SHOX: variants seen among roughly 807,000 people sequenced by gnomAD.
SHOX encodes short stature homeobox protein.
Under a neutral mutation model 29.6 loss-of-function variants are expected in SHOX, and 12 were observed. The observed-to-expected ratio is 0.41, with a 90% confidence interval of 0.26 to 0.66. SHOX has a LOEUF of 0.66. Among genes scored for constraint, SHOX ranks in the 30% least tolerant of loss-of-function variants. The pLI is 0.35. For missense variants in SHOX, 499 were observed against 437.7 expected, an observed-to-expected ratio of 1.14 and a Z score of -1.25; for synonymous variants, 214 against 200.6, an observed-to-expected ratio of 1.07 and a Z score of -0.57.
At chrX:627,542 G>T (rs191058119), upstream of SHOX, among the ~76,000 whole-genome samples, 1 of 152,180 alleles carries the variant, frequency 6.6e-6, no homozygotes, top group Non-Finnish European at 1.5e-5. Context: ...TGTTGGAAAG[G>T]CAGAAAGTGT....
At chrX:636,871 T>A (rs957770970) in intron 2 of SHOX, among the ~76,000 whole-genome samples, 46 of 145,728 alleles carry the variant, frequency 3.2e-4, no homozygotes, top group African/African-American at 1.1e-3. Flanking sequence ...AACACAACTT[T>A]TCCATCGATG....
At chrX:629,239 A>C (rs1300989843), upstream of SHOX, among the ~76,000 whole-genome samples, 671 of 67,658 alleles carry the variant, frequency 9.9e-3, no homozygotes, top group African/African-American at 0.014. Flanking sequence ...CTCTCTCTCC[A>C]TCTCTCTCTG....
chrX:631,992 G>A (rs930892698), intron 1 of SHOX: 103 of 456,116 alleles, frequency 2.3e-4, no homozygotes, highest in African/African-American at 1.9e-3. Context: ...TGCGTGGTAG[G>A]AGACGGGAAG....
chrX:639,167 C>G (rs1474052893), intron 2 of SHOX, among the ~76,000 whole-genome samples: 3 of 152,116 alleles, frequency 2.0e-5, no homozygotes, highest in Admixed American at 2.0e-4. Context: ...GTGAATTTCT[C>G]CAGCCTCCTG....
downstream of SHOX, among the ~76,000 whole-genome samples, chrX:656,037 A>C (rs189832035): frequency 4.7e-3 from 651 of 137,516 alleles, 11 homozygotes; most frequent in African/African-American, 0.015. Flanking sequence ...ATTTAGCCAG[A>C]TGTGGTGACT....
At chrX:636,904 G>T (rs1406848914) in intron 2 of SHOX, among the ~76,000 whole-genome samples, 2 of 144,380 alleles carry the variant, frequency 1.4e-5, no homozygotes, top group Admixed American at 1.4e-4. Context: ...TGAGGATACA[G>T]ATGCGTTTGA....
chrX:655,635 T>TG (rs2053136345), downstream of SHOX, among the ~76,000 whole-genome samples: 1 of 83,532 alleles, frequency 1.2e-5, no homozygotes, highest in Non-Finnish European at 2.6e-5. Flanking sequence ...TATATATATA[T>TG]ATATATATAT....
rs1391445521 is a variant in SHOX at position 640,785 on chromosome X, C to T, written c.487-36C>T. On this transcript the variant is annotated intron_variant, in intron 2 of 4. Coordinates refer to ENST00000686671, the MANE Select transcript of SHOX (RefSeq NM_000451.4). Reference sequence around the variant, plus strand: ...CCCTGGGGAGGCTGGGCTGGGTTCACAGGGCTCTTCACATCTCTCTCTGCT... The same window carrying T: ...CCCTGGGGAGGCTGGGCTGGGTTCATAGGGCTCTTCACATCTCTCTCTGCT... 6 of 1,613,048 alleles carry T rather than the reference C, an allele frequency of 3.7e-6. No individual in the cohort carries two copies. The South Asian group carries it at 5.5e-5, about 15-fold the overall frequency.
rs185974360 is a variant in SHOX, at chrX:650,256, G to A, written c.*5620G>A. Among the ~76,000 whole-genome samples, 1 of 152,288 alleles carries A rather than the reference G, an allele frequency of 6.6e-6. No individual in the cohort carries two copies. Among genetic ancestry groups the A allele is most frequent in the African/African-American group, 2.4e-5 (1 of 41,572 alleles). On this transcript the variant is annotated 3_prime_UTR_variant, in exon 5 of 5. Coordinates refer to ENST00000686671, the MANE Select transcript of SHOX (RefSeq NM_000451.4). Reference sequence around the variant, plus strand: ...CACTTACAAAGCTGGTGGTGCGACGGGCTTGGTGTCTCCCGTACGGGAAGG... The same window carrying A: ...CACTTACAAAGCTGGTGGTGCGACGAGCTTGGTGTCTCCCGTACGGGAAGG...
rs193922466 is a variant in SHOX, at chrX:634,687, A to G, written c.347A>G (p.Lys116Arg). ...GACGAGGACGGGCAGACCAAGCTGA[A>G]ACAGAGGCGCAGCCGCACCAACTTC... Reference protein sequence around the residue: ...SEDEDGQTKLKQRRSRTNFTL... With the variant: ...SEDEDGQTKLRQRRSRTNFTL... The change falls in exon 2 of 5, where the codon AAA (lysine) becomes AGA (arginine). Residue 116 changes from lysine to arginine, a missense_variant. Coordinates refer to ENST00000686671, the MANE Select transcript of SHOX (RefSeq NM_000451.4). 7 of 1,613,798 alleles carry G rather than the reference A, an allele frequency of 4.3e-6. No individual in the cohort carries two copies. The Admixed American group carries it at 1.2e-4, about 27-fold the overall frequency.
upstream of SHOX, among the ~76,000 whole-genome samples, chrX:630,167 T>C (rs766752394): frequency 3.9e-3 from 596 of 152,220 alleles, 3 homozygotes; most frequent in African/African-American, 0.014. Flanking sequence ...GCGTCCCGGT[T>C]TGGGGACACC....
In SHOX at chrX:634,836, C is replaced by CG; in HGVS notation, c.486+15dup. 1.4e-6 allele frequency: 2 copies of CG among 1,480,388 alleles called. No individual in the cohort carries two copies. The highest frequency in any genetic ancestry group is 2.5e-5 in the East Asian group (1 of 40,574). 91.7% of individuals were successfully genotyped at this position (1,480,388 alleles called of 1,614,324 possible). A position where few individuals can be genotyped will look rare whatever the true frequency, so the allele number is the denominator to read the frequency against. On this transcript the variant is annotated intron_variant, in intron 2 of 4. Coordinates refer to ENST00000686671, the MANE Select transcript of SHOX (RefSeq NM_000451.4). ...CGAGGCGCGCGTGCAGGTAGGAACCCGGGGGCGGGGGCGGGGGGCCCGGAG... is the reference window on the plus strand; with the variant it reads ...CGAGGCGCGCGTGCAGGTAGGAACCCGGGGGGCGGGGGCGGGGGGCCCGGAG...
rs1398738646 is a variant in SHOX, at chrX:645,388, G to GTTTTTTTTTTTTTTTTTTTTTTTT, written c.*753_*754insTTTTTTTTTTTTTTTTTTTTTTTT. 1 of 77,748 alleles carries GTTTTTTTTTTTTTTTTTTTTTTTT rather than the reference G, an allele frequency of 1.3e-5. No homozygotes were observed. The highest frequency in any genetic ancestry group is 2.7e-5 in the Non-Finnish European group (1 of 37,150). The allele number at this position is 77,748 out of a possible 1,614,324, so 4.8% of individuals were successfully genotyped here. On this transcript the variant is annotated 3_prime_UTR_variant, in exon 5 of 5. Transcript: ENST00000686671. ...TTGGGTCTGGTTTTGTTTTGGATTG[G>GTTTTTTTTTTTTTTTTTTTTTTTT]TATTTTTTTTTTTTTTTTTTTTTTT...
chrX:642,759 GACCTGGTGTCCCGGGAGAGGCTTGGGT>G (rs1262777097), intron 4 of SHOX, among the ~76,000 whole-genome samples: 10 of 151,946 alleles, frequency 6.6e-5, no homozygotes, highest in African/African-American at 1.9e-4. Context: ...GAGGCTTGGG[GACCTGGTGTCCCGGGAGAGGCTTGGGT>G]ACCTGGTTTC....
chrX:634,672 G>C lies in SHOX; in HGVS notation c.332G>C (p.Gly111Ala), dbSNP rs753917136. 1.9e-6 allele frequency: 3 copies of C among 1,613,790 alleles called. No homozygotes were observed. The highest frequency in any genetic ancestry group is 2.2e-5 in the South Asian group (2 of 91,078). ...REDVKSEDED[G>A]QTKLKQRRSR... ...GACGTGAAGTCGGAGGACGAGGACGGGCAGACCAAGCTGAAACAGAGGCGC... is the reference window on the plus strand; with the variant it reads ...GACGTGAAGTCGGAGGACGAGGACGCGCAGACCAAGCTGAAACAGAGGCGC... The change falls in exon 2 of 5, where the codon GGG becomes GCG. Residue 111 changes from glycine to alanine, a missense_variant. By Grantham distance (60) the Gly-to-Ala change is moderately conservative. Coordinates refer to ENST00000686671, the MANE Select transcript of SHOX (RefSeq NM_000451.4).
At chrX:626,127 C>CCT (rs1156748017), upstream of SHOX, among the ~76,000 whole-genome samples, 1 of 34,874 alleles carries the variant, frequency 2.9e-5, no homozygotes, top group Non-Finnish European at 6.9e-5. Flanking sequence ...CTCTCTCTCT[C>CCT]CTCTCTCTCT....
chrX:641,301 C>T, intron 4 of SHOX, among the ~76,000 whole-genome samples: 1 of 152,142 alleles, frequency 6.6e-6, no homozygotes, highest in South Asian at 2.1e-4. Context: ...GTGGCTCACA[C>T]CTGTCATCCC....
In SHOX at chrX:649,036, TTTCTTTCTTCTTTCTTTCTTC is replaced by T. The variant is rs1293304366; in HGVS notation, c.*4401_*4421del. On this transcript the variant is annotated 3_prime_UTR_variant, in exon 5 of 5. Coordinates refer to ENST00000686671, the MANE Select transcript of SHOX (RefSeq NM_000451.4). Reference sequence around the variant, plus strand: ...CTTTCTTTCTTTTTCTTTCTTTCTTTTTCTTTCTTCTTTCTTTCTTCGATGAAGTCTCACTCTGTCACCCAG... The same window carrying T: ...CTTTCTTTCTTTTTCTTTCTTTCTTTGATGAAGTCTCACTCTGTCACCCAG... Among the ~76,000 whole-genome samples the T allele has an allele frequency of 2.6e-5, 2 of 78,150 alleles. No individual in the cohort carries two copies. The highest frequency in any genetic ancestry group is 3.6e-5 in the African/African-American group (1 of 27,544). The allele number at this position is 78,150 out of a possible 152,430, so 51.3% of individuals were successfully genotyped here.
At chrX:652,617 C>T (rs1243745533), downstream of SHOX, among the ~76,000 whole-genome samples, 1 of 152,114 alleles carries the variant, frequency 6.6e-6, no homozygotes, top group African/African-American at 2.4e-5. Flanking sequence ...CGTCCGTTGT[C>T]TGTACCGTCC....
Sources: allele counts gnomAD v4.1 joint callset (sites outside exome capture counted in the v4.1 genomes callset), GRCh38; gene constraint gnomAD v4.1.1; transcripts MANE v1.5; gene names NCBI Gene and HGNC (gene_info 2026-07-23, HGNC 2026-07-21).